Variants in ARNT2 observed in about 807,000 individuals in gnomAD.
ARNT2 encodes the protein aryl hydrocarbon receptor nuclear translocator 2.
Under a neutral mutation model 91.7 loss-of-function variants are expected in ARNT2, and 36 were observed. The ratio of observed to expected loss-of-function variants is 0.39; its 90% CI spans 0.30 to 0.52. The LOEUF is 0.52. Among genes scored for constraint, ARNT2 ranks in the 20% least tolerant of loss-of-function variants. ARNT2 has a pLI of 0.72. For synonymous variants in ARNT2, 365 were observed against 347.1 expected (o/e 1.05, Z -0.57); for missense variants, 775 against 939.3 (o/e 0.83, Z 2.29).
chr15:80,569,673 C>A (rs976394128), intron 12 of ARNT2, among the ~76,000 whole-genome samples: 1 of 152,204 alleles, frequency 6.6e-6, no homozygotes, highest in African/African-American at 2.4e-5. Flanking sequence ...GTGAAAGGAG[C>A]TTTTTCTGGT....
At chr15:80,483,590 T>C (rs186428373) in intron 5 of ARNT2, among the ~76,000 whole-genome samples, 40 of 152,278 alleles carry the variant, frequency 2.6e-4, no homozygotes, top group Non-Finnish European at 4.4e-4. Flanking sequence ...CACAAGCCCA[T>C]ACATCCTCTG....
intron 3 of ARNT2, among the ~76,000 whole-genome samples, chr15:80,465,065 G>A (rs921018224): frequency 6.6e-6 from 1 of 152,184 alleles, no homozygotes; most frequent in Non-Finnish European, 1.5e-5. Flanking sequence ...GGGAAGACGG[G>A]GATTGATGCT....
intron 5 of ARNT2, among the ~76,000 whole-genome samples, chr15:80,501,423 A>G (rs1425024575): frequency 6.6e-6 from 1 of 152,244 alleles, no homozygotes; most frequent in South Asian, 2.1e-4. Flanking sequence ...CTAAATGTGA[A>G]CAGTATTCTT....
intron 3 of ARNT2, among the ~76,000 whole-genome samples, chr15:80,469,844 G>A (rs1896708367): frequency 6.6e-6 from 1 of 152,182 alleles, no homozygotes; most frequent in African/African-American, 2.4e-5. Context: ...CAAACTTCTG[G>A]CTTTAAGTAA....
intron 12 of ARNT2, among the ~76,000 whole-genome samples, chr15:80,564,419 G>A (rs1002657724): frequency 1.8e-4 from 27 of 152,178 alleles, no homozygotes; most frequent in African/African-American, 6.3e-4. Flanking sequence ...CTTCTTTCCA[G>A]GCAACACCAC....
chr15:80,518,277 C>CTTTTTTTTTTTTTT (rs56726705), intron 8 of ARNT2, among the ~76,000 whole-genome samples: 27 of 89,352 alleles, frequency 3.0e-4, no homozygotes, highest in African/African-American at 6.9e-4. Context: ...TTTTTCTATT[C>CTTTTTTTTTTTTTT]TTTTTTTTTT....
At chr15:80,429,020 G>C (rs534088436) in intron 1 of ARNT2, among the ~76,000 whole-genome samples, 2 of 152,254 alleles carry the variant, frequency 1.3e-5, no homozygotes, top group South Asian at 4.2e-4. Flanking sequence ...GAAGAAAATA[G>C]CTCGACTGGT....
At chr15:80,450,859 C>T (rs933634442) in intron 1 of ARNT2, 21 bp from the exon 2 acceptor site, 2 of 1,612,842 alleles carry the variant, frequency 1.2e-6, no homozygotes, top group Non-Finnish European at 1.7e-6. Context: ...GACAAAACCT[C>T]TTGTCTTTGC....
rs1030051275 is a variant in ARNT2, at chr15:80,548,378, G to A, written c.878-2821G>A. 2.6e-5 allele frequency among the ~76,000 whole-genome samples: 4 copies of A among 152,188 alleles called. No homozygotes were observed. In the East Asian group the frequency reaches 7.7e-4, roughly 29 times the overall value. Reference sequence around the variant, plus strand: ...ACATTTCCACTAAGATCAGAAACAAGGCAATAATGCCCACTATCTCTACTA... The same window carrying A: ...ACATTTCCACTAAGATCAGAAACAAAGCAATAATGCCCACTATCTCTACTA... On this transcript the variant is annotated intron_variant, in intron 8 of 18. Transcript: ENST00000303329.
chr15:80,501,177 T>C (rs1897187857), intron 5 of ARNT2, among the ~76,000 whole-genome samples: 1 of 152,208 alleles, frequency 6.6e-6, no homozygotes, highest in Non-Finnish European at 1.5e-5. Context: ...TTTTTGTTTG[T>C]ATGTACATGT....
chr15:80,450,116 A>C (rs1199307393), intron 1 of ARNT2, among the ~76,000 whole-genome samples: 1 of 152,248 alleles, frequency 6.6e-6, no homozygotes, highest in Non-Finnish European at 1.5e-5. Context: ...AGGGATGCTT[A>C]ACATGACCTT....
At chr15:80,487,983 T>C (rs1417241240) in intron 5 of ARNT2, 1 of 152,222 alleles carries the variant, frequency 6.6e-6, no homozygotes, top group African/African-American at 2.4e-5. Flanking sequence ...CAGCCCTCAC[T>C]GTGAACCTTA....
chr15:80,465,914 G>A (rs1157817325), intron 3 of ARNT2, among the ~76,000 whole-genome samples: 1 of 152,210 alleles, frequency 6.6e-6, no homozygotes, highest in Non-Finnish European at 1.5e-5. Flanking sequence ...CACAGGGATT[G>A]TGTTTGCACC....
chr15:80,427,984 C>T (rs1370356424), intron 1 of ARNT2, among the ~76,000 whole-genome samples: 1 of 152,252 alleles, frequency 6.6e-6, no homozygotes, highest in East Asian at 1.9e-4. Context: ...CGTTCACTGT[C>T]AGGATCACCT....
At chr15:80,554,816 G>A (rs1364765946) in intron 10 of ARNT2, 1 of 417,080 alleles carries the variant, frequency 2.4e-6, no homozygotes, top group African/African-American at 2.0e-5. Context: ...TGAAGCTACT[G>A]ATGTAGTGCC....
Position 80,404,495 on chromosome 15 carries a change from C to T in ARNT2, c.-21C>T, listed in dbSNP as rs1356746298. On this transcript the variant is annotated 5_prime_UTR_variant, in exon 1 of 19. Coordinates refer to ENST00000303329, the MANE Select transcript of ARNT2 (RefSeq NM_014862.4). The surrounding 1 kb of genome is among the most constrained non-coding windows in gnomAD (Gnocchi z 5.5). ...CCCTCCCGCGCCCCTGCCAAGCGGG[C>T]GCCTATCCTCTCCGAGCAAGATGGC... The T allele has an allele frequency of 1.6e-6, 2 of 1,236,164 alleles. No individual in the cohort carries two copies. The highest frequency in any genetic ancestry group is 1.6e-5 in the South Asian group (1 of 63,422). 76.6% of individuals were successfully genotyped at this position (1,236,164 alleles called of 1,614,324 possible).
chr15:80,475,847 A>T (rs74027984), intron 5 of ARNT2, among the ~76,000 whole-genome samples: 1 of 152,162 alleles, frequency 6.6e-6, no homozygotes, highest in African/African-American at 2.4e-5. Flanking sequence ...GACCATAAAC[A>T]TTCATTACCC....
intron 2 of ARNT2, among the ~76,000 whole-genome samples, chr15:80,455,201 C>T (rs1896463671): frequency 6.6e-6 from 1 of 152,170 alleles, no homozygotes; most frequent in African/African-American, 2.4e-5. Flanking sequence ...CCTTTGTGTC[C>T]TCCAGGGTTG....
chr15:80,497,647 T>C (rs1233347112), intron 5 of ARNT2, among the ~76,000 whole-genome samples: 1 of 152,176 alleles, frequency 6.6e-6, no homozygotes. Flanking sequence ...GAAACTAATA[T>C]AGATACCATT....
Sources: allele counts gnomAD v4.1 joint callset (sites outside exome capture counted in the v4.1 genomes callset), GRCh38; gene constraint gnomAD v4.1.1; non-coding constraint Gnocchi (gnomAD v3.1); transcripts MANE v1.5; gene names NCBI Gene and HGNC (gene_info 2026-07-23, HGNC 2026-07-21).